BZW2: variants seen among roughly 807,000 people sequenced by gnomAD.
The protein encoded by BZW2 is eIF5-mimic protein 1.
BZW2 carries 23 observed loss-of-function variants against 53.2 expected under a neutral mutation model. That is an observed-to-expected ratio of 0.43 (90% confidence interval 0.31 to 0.61). BZW2 has a LOEUF of 0.61. Ranked by LOEUF, BZW2 falls within the 20% of genes least tolerant of loss-of-function variation. The pLI, the probability that BZW2 is intolerant of heterozygous loss-of-function variation, is 0.09. For synonymous variants in BZW2, 227 were observed against 186.4 expected (o/e 1.22, Z -1.77); for missense variants, 409 against 503.1 (o/e 0.81, Z 1.79).
At chr7:16,702,423 G>A (rs1002218129) in intron 10 of BZW2, among the ~76,000 whole-genome samples, 1 of 152,102 alleles carries the variant, frequency 6.6e-6, no homozygotes, top group South Asian at 2.1e-4. Context: ...ACATTGCGCC[G>A]TTAATATGTA....
At chr7:16,669,533 G>GTA (rs1047675766) in intron 2 of BZW2, among the ~76,000 whole-genome samples, 96 of 152,158 alleles carry the variant, frequency 6.3e-4, no homozygotes, top group African/African-American at 1.9e-3. Flanking sequence ...ATGAGTATGT[G>GTA]TATATATATA....
chr7:16,658,123 A>T (rs1782164362), intron 1 of BZW2, among the ~76,000 whole-genome samples: 1 of 152,138 alleles, frequency 6.6e-6, no homozygotes. Flanking sequence ...AGGGCCTGGG[A>T]GATAACCCAT....
chr7:16,656,081 A>ATGTG (rs200562547), intron 1 of BZW2, among the ~76,000 whole-genome samples: 12 of 150,852 alleles, frequency 8.0e-5, no homozygotes, highest in African/African-American at 1.9e-4. Context: ...AGTCATATAT[A>ATGTG]TGTGTGTGTG....
At chr7:16,692,901 T>C (rs1783358112) in intron 7 of BZW2, among the ~76,000 whole-genome samples, 2 of 152,270 alleles carry the variant, frequency 1.3e-5, no homozygotes, top group African/African-American at 4.8e-5. Flanking sequence ...AGTGAACTGT[T>C]TAAATATCTC....
At chr7:16,668,666 G>C (rs2128355884) in intron 2 of BZW2, among the ~76,000 whole-genome samples, 1 of 152,294 alleles carries the variant, frequency 6.6e-6, no homozygotes, top group East Asian at 1.9e-4. Flanking sequence ...CCTTGTGATA[G>C]GCTGTTTTCT....
At chr7:16,657,710 A>G (rs818809) in intron 1 of BZW2, among the ~76,000 whole-genome samples, 138,889 of 152,180 alleles carry the variant, frequency 0.91, 63,690 homozygotes, top group East Asian at 1. Flanking sequence ...TGACACCAGT[A>G]TTTGGCAAAT....
intron 2 of BZW2, 105 bp from the exon 3 acceptor site, chr7:16,674,307 G>T: frequency 1.3e-6 from 1 of 743,468 alleles, no homozygotes; most frequent in Non-Finnish European, 2.0e-6. Flanking sequence ...ATGCTCTGTG[G>T]ATTTTTTTTT....
At chr7:16,676,145 G>A (rs923136519) in intron 3 of BZW2, among the ~76,000 whole-genome samples, 6 of 152,170 alleles carry the variant, frequency 3.9e-5, no homozygotes, top group Admixed American at 2.0e-4. Context: ...ATGCAAATAC[G>A]ATATTCTGCA....
Position 16,700,344 on chromosome 7 carries a change from T to C in BZW2, c.1108+2158T>C, listed in dbSNP as rs557503907. On this transcript the variant is annotated intron_variant, in intron 10 of 11. Coordinates refer to ENST00000258761, the MANE Select transcript of BZW2 (RefSeq NM_014038.3). ...AACTATGTTTACCATCTTGTCTCTT[T>C]TTTGCCAGATTTTTACTTTCACCTT... 6.6e-5 allele frequency among the ~76,000 whole-genome samples: 10 copies of C among 152,292 alleles called. No homozygotes were observed. The South Asian group carries it at 2.1e-3, about 32-fold the overall frequency.
At chr7:16,694,206 T>G (rs1289458930) in intron 7 of BZW2, among the ~76,000 whole-genome samples, 1 of 152,208 alleles carries the variant, frequency 6.6e-6, no homozygotes, top group East Asian at 1.9e-4. Context: ...TTTTGAAAAT[T>G]TCCATCAGAA....
intron 1 of BZW2, among the ~76,000 whole-genome samples, chr7:16,659,079 T>C (rs1782188309): frequency 3.3e-5 from 5 of 151,222 alleles, no homozygotes; most frequent in Admixed American, 1.3e-4. Flanking sequence ...CTGGGCAACA[T>C]GGCGAAACTC....
chr7:16,647,605 T>C (rs1210544222), intron 1 of BZW2, among the ~76,000 whole-genome samples: 1 of 152,208 alleles, frequency 6.6e-6, no homozygotes, highest in Non-Finnish European at 1.5e-5. Context: ...TTCATCTCAG[T>C]GTATAACAAA....
At chr7:16,665,373 G>A in intron 1 of BZW2, 64 bp from the exon 2 acceptor site, 1 of 1,584,442 alleles carries the variant, frequency 6.3e-7, no homozygotes, top group Non-Finnish European at 8.7e-7. Flanking sequence ...AAACTTATTG[G>A]CCATATGTTT....
At chr7:16,657,773 A>T (rs1328489169) in intron 1 of BZW2, among the ~76,000 whole-genome samples, 1 of 152,068 alleles carries the variant, frequency 6.6e-6, no homozygotes, top group African/African-American at 2.4e-5. Flanking sequence ...GTATGTTCAG[A>T]TCTGGGTGCA....
chr7:16,693,615 C>T (rs1302401917), intron 7 of BZW2, among the ~76,000 whole-genome samples: 1 of 150,790 alleles, frequency 6.6e-6, no homozygotes, highest in Non-Finnish European at 1.5e-5. Context: ...CTGCTTTACA[C>T]AGTTATTATG....
Position 16,698,185 on chromosome 7 carries a change from A to G in BZW2, c.1107A>G (p.Lys369=), listed in dbSNP as rs977672076. 6.2e-7 allele frequency: 1 copy of G among 1,614,116 alleles called. No homozygotes were observed. The highest frequency in any genetic ancestry group is 8.5e-7 in the Non-Finnish European group (1 of 1,179,972). The change falls in exon 10 of 12, where the codon AAA becomes AAG. Residue 369 remains lysine (K), a splice_region_variant and synonymous_variant. Transcript: ENST00000258761. ...AFQKIVVLFY[K]ADVLSEEAIL... ...AGAAGATTGTGGTTCTCTTTTATAA[A>G]GGTATCCATCCACGTGCCACTGCTG...
At chr7:16,699,812 C>T (rs1783614365) in intron 10 of BZW2, among the ~76,000 whole-genome samples, 1 of 152,166 alleles carries the variant, frequency 6.6e-6, no homozygotes, top group Non-Finnish European at 1.5e-5. Flanking sequence ...TAGACTTAGA[C>T]TTCTTATAAC....
In BZW2 at chr7:16,659,083, G is replaced by A. The variant is rs143793968; in HGVS notation, c.-7-6354G>A. On this transcript the variant is annotated intron_variant, in intron 1 of 11. Coordinates refer to ENST00000258761, the MANE Select transcript of BZW2 (RefSeq NM_014038.3). ...TCGAGACCAGCCTGGGCAACATGGC[G>A]AAACTCTTAAAAACTAAAAAAAAAC... Among the ~76,000 whole-genome samples the A allele has an allele frequency of 2.5e-3, 383 of 151,212 alleles. 5 individuals carry two copies. Among genetic ancestry groups the A allele is most frequent in the African/African-American group, 8.6e-3 (354 of 41,276 alleles).
chr7:16,660,590 A>T (rs1266252408), intron 1 of BZW2, among the ~76,000 whole-genome samples: 3 of 152,022 alleles, frequency 2.0e-5, no homozygotes, highest in African/African-American at 7.2e-5. Context: ...TATTCTTTAG[A>T]TGTATTTTTA....
Sources: allele counts gnomAD v4.1 joint callset (sites outside exome capture counted in the v4.1 genomes callset), GRCh38; gene constraint gnomAD v4.1.1; transcripts MANE v1.5; gene names NCBI Gene and HGNC (gene_info 2026-07-23, HGNC 2026-07-21).